The following LYPD6B variants were observed in gnomAD, a reference collection of about 807,000 sequenced individuals.
LYPD6B encodes the protein ly6/PLAUR domain-containing protein 6B.
A neutral mutation model predicts 22.8 loss-of-function variants in LYPD6B; 17 were observed. The ratio of observed to expected loss-of-function variants is 0.75; its 90% CI spans 0.51 to 1.12. LYPD6B has a LOEUF of 1.12. Ranked by LOEUF, LYPD6B falls within the 50% of genes most tolerant of loss-of-function variation. The probability of loss-of-function intolerance (pLI) is 0.00; values close to 1 mark genes in which losing one functional copy is unlikely to be tolerated. For synonymous variants in LYPD6B, 106 were observed against 91.6 expected, an observed-to-expected ratio of 1.16 and a Z score of -0.90; for missense variants, 221 against 258.3, an observed-to-expected ratio of 0.86 and a Z score of 0.99.
At chr2:149,150,148 A>G (rs1190749212) in intron 2 of LYPD6B, among the ~76,000 whole-genome samples, 1 of 152,198 alleles carries the variant, frequency 6.6e-6, no homozygotes, top group African/African-American at 2.4e-5. Flanking sequence ...TTGACTGAGC[A>G]TATGTAAACC....
intron 1 of LYPD6B, among the ~76,000 whole-genome samples, chr2:149,112,521 G>T (rs1321504236): frequency 6.6e-6 from 1 of 152,120 alleles, no homozygotes; most frequent in Non-Finnish European, 1.5e-5. Context: ...GAAATAGAAT[G>T]AGTTTTGGAA....
Position 149,052,378 on chromosome 2 carries a change from G to A in LYPD6B, c.-67+13577G>A, listed in dbSNP as rs991169369. The stretch of plus-strand genomic sequence containing the variant: ...CAGGATTATTATTTTTTAAATCTAT[G>A]TTAGGAGTCAGGACTTCTGGCTATG... On this transcript the variant is annotated intron_variant, in intron 1 of 6. Coordinates refer to ENST00000409642, the MANE Select transcript of LYPD6B (RefSeq NM_177964.5). Among the ~76,000 whole-genome samples, 13 of 152,224 alleles carry A rather than the reference G, an allele frequency of 8.5e-5. No individual in the cohort carries two copies. The East Asian group carries it at 2.3e-3, about 27-fold the overall frequency.
At chr2:149,086,064 T>C (rs1296417710) in intron 1 of LYPD6B, among the ~76,000 whole-genome samples, 1 of 152,202 alleles carries the variant, frequency 6.6e-6, no homozygotes, top group African/African-American at 2.4e-5. Context: ...TTTCAATGCA[T>C]GGATGCACTT....
chr2:149,051,113 A>G (rs1348011155), intron 1 of LYPD6B, among the ~76,000 whole-genome samples: 2 of 151,976 alleles, frequency 1.3e-5, no homozygotes, highest in Non-Finnish European at 2.9e-5. Context: ...TGTTTAAAAC[A>G]TAACATTTAT....
At chr2:149,052,237 AGTAGAGATAGGG>A (rs1202980286) in intron 1 of LYPD6B, among the ~76,000 whole-genome samples, 2 of 151,956 alleles carry the variant, frequency 1.3e-5, no homozygotes, top group Non-Finnish European at 2.9e-5. Context: ...TTGTATTTTT[AGTAGAGATAGGG>A]GTTCACCATG....
intron 1 of LYPD6B, among the ~76,000 whole-genome samples, chr2:149,082,610 G>A (rs1379802060): frequency 6.6e-6 from 1 of 152,094 alleles, no homozygotes; most frequent in Non-Finnish European, 1.5e-5. Context: ...GTACTTGATA[G>A]TATTACTTAG....
chr2:149,057,532 C>G (rs1199028471), intron 1 of LYPD6B, among the ~76,000 whole-genome samples: 1 of 151,996 alleles, frequency 6.6e-6, no homozygotes, highest in Non-Finnish European at 1.5e-5. Flanking sequence ...AGGAAAATAA[C>G]TACTCTATTT....
chr2:149,070,702 A>G (rs1217617730), intron 1 of LYPD6B, among the ~76,000 whole-genome samples: 1 of 146,378 alleles, frequency 6.8e-6, no homozygotes, highest in Non-Finnish European at 1.5e-5. Flanking sequence ...TGTATAGAAC[A>G]GCCTGTGATT....
intron 1 of LYPD6B, among the ~76,000 whole-genome samples, chr2:149,120,307 ATATGTG>A (rs1252858839): frequency 7.7e-6 from 1 of 129,646 alleles, no homozygotes; most frequent in African/African-American, 3.3e-5. Context: ...ACATATATAT[ATATGTG>A]TATATATATG....
chr2:149,152,283 G>A (rs1689428980), intron 2 of LYPD6B, among the ~76,000 whole-genome samples: 3 of 152,250 alleles, frequency 2.0e-5, no homozygotes, highest in South Asian at 4.1e-4. Flanking sequence ...AAATATTTAT[G>A]AGTACATGTC....
chr2:149,136,780 G>T (rs1688397307), intron 2 of LYPD6B, among the ~76,000 whole-genome samples: 1 of 152,194 alleles, frequency 6.6e-6, no homozygotes, highest in African/African-American at 2.4e-5. Flanking sequence ...GTAAGCTAAT[G>T]AATATTGGCC....
chr2:149,045,439 G>T (rs1683265052), intron 1 of LYPD6B, among the ~76,000 whole-genome samples: 1 of 151,458 alleles, frequency 6.6e-6, no homozygotes, highest in Admixed American at 6.6e-5. Flanking sequence ...TTTTATTATT[G>T]CCTTCCTTGT....
intron 1 of LYPD6B, among the ~76,000 whole-genome samples, chr2:149,054,214 A>C (rs1683688250): frequency 1.3e-5 from 2 of 152,230 alleles, no homozygotes; most frequent in African/African-American, 4.8e-5. Flanking sequence ...CATTCCCACA[A>C]GCAATGTATG....
chr2:149,212,873 C>T (rs1368660290), intron 5 of LYPD6B, 119 bp from the exon 6 acceptor site: 2 of 997,600 alleles, frequency 2.0e-6, no homozygotes, highest in Non-Finnish European at 2.9e-6. Context: ...TGCCTAAAAA[C>T]CCCAGGACTG....
At chr2:149,141,377 G>A (rs776446123) in intron 2 of LYPD6B, among the ~76,000 whole-genome samples, 36 of 152,054 alleles carry the variant, frequency 2.4e-4, no homozygotes, top group Non-Finnish European at 4.7e-4. Flanking sequence ...GTTGTTTGGT[G>A]TGTCTTTTCA....
At chr2:149,084,300 C>T (rs1574937865) in intron 1 of LYPD6B, among the ~76,000 whole-genome samples, 1 of 152,156 alleles carries the variant, frequency 6.6e-6, no homozygotes, top group South Asian at 2.1e-4. Flanking sequence ...ACTCCTTCTA[C>T]CTTGAGTTAC....
At chr2:149,042,134 T>G (rs1683114348) in intron 1 of LYPD6B, among the ~76,000 whole-genome samples, 1 of 152,234 alleles carries the variant, frequency 6.6e-6, no homozygotes, top group African/African-American at 2.4e-5. Context: ...AGGCTGGGAC[T>G]TGGTGAAGAT....
At chr2:149,104,101 T>C (rs948466555) in intron 1 of LYPD6B, among the ~76,000 whole-genome samples, 1 of 152,158 alleles carries the variant, frequency 6.6e-6, no homozygotes, top group African/African-American at 2.4e-5. Flanking sequence ...TTTTTACTGC[T>C]GAATAACTAT....
intron 1 of LYPD6B, among the ~76,000 whole-genome samples, chr2:149,057,613 C>G (rs989566265): frequency 1.3e-5 from 2 of 152,014 alleles, no homozygotes; most frequent in African/African-American, 2.4e-5. Flanking sequence ...TCTTGCAGCT[C>G]TCTAAAAGGA....
Sources: gnomAD v4.1 joint callset for allele counts (sites outside exome capture counted in the v4.1 genomes callset) on GRCh38, gnomAD v4.1.1 for gene constraint, MANE v1.5 for transcripts, NCBI Gene and HGNC (gene_info 2026-07-23, HGNC 2026-07-21) for gene names.